MARK2: variants seen among roughly 807,000 people sequenced by gnomAD.
The protein encoded by MARK2 is serine/threonine-protein kinase MARK2.
A neutral mutation model predicts 89.8 loss-of-function variants in MARK2; 16 were observed. That is an observed-to-expected ratio of 0.18 (90% CI 0.12 to 0.27). The LOEUF (loss-of-function observed/expected upper bound fraction) is 0.27, where lower values mean the gene tolerates loss of function less well. Ranked by LOEUF, MARK2 falls within the 10% of genes least tolerant of loss-of-function variation. The pLI, the probability that MARK2 is intolerant of heterozygous loss-of-function variation, is 1.00. For missense variants in MARK2, 621 were observed against 1,049.9 expected, an observed-to-expected ratio of 0.59 and a Z score of 5.65; for synonymous variants, 382 against 399.5, an observed-to-expected ratio of 0.96 and a Z score of 0.52.
chr11:63,903,329 C>T lies in MARK2; in HGVS notation c.1514+171C>T. On this transcript the variant is annotated intron_variant, in intron 14 of 18. Transcript: ENST00000402010. This position sits in a 1 kb window ranked among gnomAD's most constrained non-coding sequence, Gnocchi z 5.1. ...TCCCCTCCCCTATTCCACGCCATTG[C>T]CTCCTCCCCATCTTCCTCTGACTGC... The T allele has an allele frequency of 4.9e-6, 3 of 609,992 alleles. No homozygotes were observed. The Admixed American group carries it at 8.3e-5, about 17-fold the overall frequency. 37.8% of individuals were successfully genotyped at this position (609,992 alleles called of 1,614,324 possible).
At position 63,878,393 on chromosome 11, in the gene MARK2, GTC is replaced by G. The variant is rs140059264; in HGVS notation, c.55-16759_55-16758del. Among the ~76,000 whole-genome samples, 453 of 116,126 alleles carry G rather than the reference GTC, an allele frequency of 3.9e-3. 3 individuals carry two copies. The highest frequency in any genetic ancestry group is 0.013 in the Admixed American group (108 of 8,564). 76.2% of individuals were successfully genotyped at this position (116,126 alleles called of 152,430 possible). ...TTTTTTTTTTTTTTTTTGAGACAGAGTCTCTCTCGCTCTGTCGCCTAGGCTGG... is the reference window on the plus strand; with the variant it reads ...TTTTTTTTTTTTTTTTTGAGACAGAGTCTCTCGCTCTGTCGCCTAGGCTGG... On this transcript the variant is annotated intron_variant, in intron 1 of 18. Transcript: ENST00000402010.
At chr11:63,887,282 C>CA (rs1939458011) in intron 1 of MARK2, among the ~76,000 whole-genome samples, 1 of 152,228 alleles carries the variant, frequency 6.6e-6, no homozygotes, top group African/African-American at 2.4e-5. Context: ...GAAATGGTGA[C>CA]AAAAGCTCTG....
chr11:63,872,768 G>T (rs1422007882), intron 1 of MARK2, among the ~76,000 whole-genome samples: 6 of 152,180 alleles, frequency 3.9e-5, no homozygotes, highest in Non-Finnish European at 7.4e-5. Flanking sequence ...AGTGCCCAGA[G>T]ATTGGAGCTC....
chr11:63,860,790 G>A (rs929276503), intron 1 of MARK2, among the ~76,000 whole-genome samples: 7 of 151,950 alleles, frequency 4.6e-5, no homozygotes, highest in Admixed American at 1.3e-4. Context: ...CCCAGGAGGC[G>A]GTGGTTGCAG....
At chr11:63,898,100 G>C in intron 3 of MARK2, 132 bp from the exon 4 acceptor site, 1 of 742,352 alleles carries the variant, frequency 1.3e-6, no homozygotes. Context: ...GCATGAGCTA[G>C]ACAACCACCC....
rs77049197 is a variant in MARK2, at chr11:63,878,175, G to C, written c.55-16984G>C. Among the ~76,000 whole-genome samples, 951 of 152,218 alleles carry C rather than the reference G, an allele frequency of 6.2e-3. 13 individuals are homozygous for C. The highest frequency in any genetic ancestry group is 0.022 in the African/African-American group (911 of 41,516). ...GTTGCAGGTTGTCTTTTCTCCTCTA[G>C]CTGGAAGTTGTTCTACCCAGTCTTC... is the stretch of plus-strand genomic sequence containing the variant. On this transcript the variant is annotated intron_variant, in intron 1 of 18. Transcript: ENST00000402010.
intron 18 of MARK2, 55 bp from the exon 19 acceptor site, chr11:63,908,822 C>T (rs1941558812): frequency 1.4e-6 from 2 of 1,413,522 alleles, no homozygotes; most frequent in Non-Finnish European, 1.8e-6. Flanking sequence ...GGGTGGCTCT[C>T]CTGGGGTGGG....
rs556471334 is a variant in MARK2, at chr11:63,853,097, A to G, written c.54+13537A>G. Among the ~76,000 whole-genome samples the G allele has an allele frequency of 3.3e-5, 5 of 152,268 alleles. No homozygotes were observed. In the South Asian group the frequency reaches 1.0e-3, roughly 32 times the overall value. ...CAGTGCCGCTTTAAATGTTACCAGG[A>G]TTCATTAAATTAAAGATTTAGCCAG... On this transcript the variant is annotated intron_variant, in intron 1 of 18. Coordinates refer to ENST00000402010, the MANE Select transcript of MARK2 (RefSeq NM_001039469.3).
At chr11:63,888,692 C>G in intron 1 of MARK2, 1 of 1,186,504 alleles carries the variant, frequency 8.4e-7, no homozygotes, top group South Asian at 1.6e-5. Context: ...TTGCCAAACC[C>G]AGTCTCTCTG....
In MARK2 at chr11:63,902,660, G is replaced by A. The variant is rs538928060; in HGVS notation, c.1294G>A (p.Ala432Thr). The A allele has an allele frequency of 4.8e-5, 77 of 1,614,130 alleles. No homozygotes were observed. The highest frequency in any genetic ancestry group is 5.9e-5 in the Non-Finnish European group (70 of 1,180,018). Residue 432 changes from alanine (A) to threonine (T), a missense_variant, in exon 13 of 19, where the codon GCA becomes ACA. Ala to Thr is a moderately conservative substitution (Grantham distance 58). Coordinates refer to ENST00000402010, the MANE Select transcript of MARK2 (RefSeq NM_001039469.3). The surrounding 1 kb of genome is among the most constrained non-coding windows in gnomAD (Gnocchi z 4.2). ...CTCTAAGAAGACTCAGAGTAACAAC[G>A]CAGAAAATAAGCGGCCTGAGGAGGA... ...SYSKKTQSNN[A>T]ENKRPEEDRE...
intron 7 of MARK2, 125 bp downstream of exon 7, chr11:63,899,233 T>TTTTC (rs536426137): frequency 0.017 from 11,754 of 680,222 alleles, 54 homozygotes; most frequent in Non-Finnish European, 0.023. Context: ...GCCTTTCTTT[T>TTTTC]TTTCTTTCTT....
In MARK2 at chr11:63,900,176, C is replaced by A; in HGVS notation, c.768+66C>A. ...CTCGGCCTCTGGTCTTAGCCCTGACCTCCTGCCTTTGCCACCTGTCTACAT... is the reference window on the plus strand; with the variant it reads ...CTCGGCCTCTGGTCTTAGCCCTGACATCCTGCCTTTGCCACCTGTCTACAT... On this transcript the variant is annotated intron_variant, in intron 8 of 18. Transcript: ENST00000402010. The surrounding 1 kb of genome is among the most constrained non-coding windows in gnomAD (Gnocchi z 4.7). 8.1e-7 allele frequency: 1 copy of A among 1,239,610 alleles called. No individual in the cohort carries two copies. Among genetic ancestry groups the A allele is most frequent in the Non-Finnish European group, 1.2e-6 (1 of 848,588 alleles). 76.8% of individuals were successfully genotyped at this position (1,239,610 alleles called of 1,614,324 possible).
intron 16 of MARK2, 65 bp downstream of exon 16, chr11:63,905,108 G>A: frequency 1.4e-6 from 1 of 703,692 alleles, no homozygotes; most frequent in Non-Finnish European, 2.3e-6. Flanking sequence ...CTCGGGGTGG[G>A]TTGGGGGTTG....
At chr11:63,855,993 T>C (rs2016817203) in intron 1 of MARK2, among the ~76,000 whole-genome samples, 1 of 152,226 alleles carries the variant, frequency 6.6e-6, no homozygotes, top group African/African-American at 2.4e-5. Context: ...TCTAATAAGA[T>C]AGCTGTGTAG....
intron 1 of MARK2, among the ~76,000 whole-genome samples, chr11:63,840,184 A>G (rs1015118971): frequency 1.3e-5 from 2 of 150,858 alleles, no homozygotes; most frequent in Non-Finnish European, 1.5e-5. Flanking sequence ...TCCTTCGCCT[A>G]CTCTTTGCTC....
In MARK2 at chr11:63,845,492, C is replaced by T. The variant is rs944393750; in HGVS notation, c.54+5932C>T. On this transcript the variant is annotated intron_variant, in intron 1 of 18. Transcript: ENST00000402010. ...TAGCTTGGATTCTCCAGGCCTCCTCCCAGCTTTCATCAAACATGAGTGAGT... is the reference window on the plus strand; with the variant it reads ...TAGCTTGGATTCTCCAGGCCTCCTCTCAGCTTTCATCAAACATGAGTGAGT... Among the ~76,000 whole-genome samples, 27 of 152,138 alleles carry T rather than the reference C, an allele frequency of 1.8e-4. 1 individual carries two copies. The highest frequency in any genetic ancestry group is 6.0e-4 in the African/African-American group (25 of 41,426).
At chr11:63,843,847 TCTC>T (rs2016142941) in intron 1 of MARK2, among the ~76,000 whole-genome samples, 1 of 152,092 alleles carries the variant, frequency 6.6e-6, no homozygotes, top group Non-Finnish European at 1.5e-5. Context: ...CTGGTCTCGA[TCTC>T]CTGACCTCAG....
intron 1 of MARK2, among the ~76,000 whole-genome samples, chr11:63,878,386 A>G (rs1361408854): frequency 1.4e-5 from 1 of 69,168 alleles, no homozygotes; most frequent in African/African-American, 5.9e-5. Flanking sequence ...TTTTTTTTTG[A>G]GACAGAGTCT....
At chr11:63,908,814 G>C in intron 18 of MARK2, 63 bp from the exon 19 acceptor site, 1 of 1,408,954 alleles carries the variant, frequency 7.1e-7, no homozygotes, top group Non-Finnish European at 9.3e-7. Flanking sequence ...GTCTGCCAGG[G>C]TGGCTCTCCT....
Sources: allele counts gnomAD v4.1 joint callset (sites outside exome capture counted in the v4.1 genomes callset), GRCh38; gene constraint gnomAD v4.1.1; non-coding constraint Gnocchi (gnomAD v3.1); transcripts MANE v1.5; gene names NCBI Gene and HGNC (gene_info 2026-07-23, HGNC 2026-07-21).